The following CSMD1 variants were observed in gnomAD, a reference collection of about 807,000 sequenced individuals.
CSMD1 encodes the protein CUB and Sushi multiple domains 1, also known as CUB and sushi domain-containing protein 1.
A neutral mutation model predicts 417.5 loss-of-function variants in CSMD1; 213 were observed. That is an observed-to-expected ratio of 0.51 (90% confidence interval 0.46 to 0.57). The LOEUF (loss-of-function observed/expected upper bound fraction) is 0.57. Ranked by LOEUF, CSMD1 falls within the 20% of genes least tolerant of loss-of-function variation. CSMD1 has a pLI of 0.00. For synonymous variants in CSMD1, 2,862 were observed against 1,736.8 expected (o/e 1.65, Z -16.11); for missense variants, 6,923 against 4,529.7 (o/e 1.53, Z -15.17).
intron 3 of CSMD1, among the ~76,000 whole-genome samples, chr8:4,256,354 C>T (rs947757004): frequency 1.1e-4 from 17 of 152,170 alleles, no homozygotes; most frequent in African/African-American, 3.9e-4. Flanking sequence ...CTACTTTTGG[C>T]CTCAAATGAA....
chr8:3,613,939 TA>T (rs1202660257), intron 8 of CSMD1, among the ~76,000 whole-genome samples: 4 of 151,716 alleles, frequency 2.6e-5, no homozygotes, highest in African/African-American at 7.3e-5. Context: ...GAAAAAGAAA[TA>T]AAAAAAATCC....
intron 48 of CSMD1, among the ~76,000 whole-genome samples, chr8:3,090,230 T>C (rs1276490760): frequency 1.4e-5 from 2 of 139,302 alleles, no homozygotes; most frequent in South Asian, 4.6e-4. Flanking sequence ...GGCAGGAGAA[T>C]GGCCTGAACC....
At chr8:3,441,692 AACCT>A (rs1585170267) in intron 12 of CSMD1, among the ~76,000 whole-genome samples, 2 of 152,198 alleles carry the variant, frequency 1.3e-5, no homozygotes, top group East Asian at 1.9e-4. Context: ...GGTGTAAATA[AACCT>A]ACTGTGCTGC....
chr8:4,477,438 G>T (rs1014719098), intron 2 of CSMD1, among the ~76,000 whole-genome samples: 3 of 152,226 alleles, frequency 2.0e-5, no homozygotes, highest in South Asian at 4.1e-4. Context: ...CTCAGAAACT[G>T]AGTCTGGTAA....
intron 3 of CSMD1, among the ~76,000 whole-genome samples, chr8:4,212,966 C>A (rs1304432714): frequency 6.6e-6 from 1 of 152,018 alleles, no homozygotes. Context: ...GAAGACCTAA[C>A]ACCTAGCGTT....
chr8:3,334,933 C>A (rs561761076), intron 23 of CSMD1, among the ~76,000 whole-genome samples: 3 of 152,234 alleles, frequency 2.0e-5, no homozygotes, highest in Non-Finnish European at 4.4e-5. Flanking sequence ...CTAAGAGCGT[C>A]AGCTCCTAGT....
rs749185997 is a variant in CSMD1 at position 3,096,982 on chromosome 8, T to C, written c.7005A>G (p.Pro2335=). 18 of 1,555,868 alleles carry C rather than the reference T, an allele frequency of 1.2e-5. No individual in the cohort carries two copies. Among genetic ancestry groups the C allele is most frequent in the Admixed American group, 5.8e-5 (3 of 51,572 alleles). ...RTGSSGVILS[P]GYPGNYFNSQ... ...AGTTAAAATAATTACCCGGATACCCTGGACTGAGAATGACTCCCGATGATC... is the reference window on the plus strand; with the variant it reads ...AGTTAAAATAATTACCCGGATACCCCGGACTGAGAATGACTCCCGATGATC... Residue 2335 remains proline (P), a synonymous_variant, in exon 47 of 70, where the codon CCA becomes CCG. Coordinates refer to ENST00000635120, the MANE Select transcript of CSMD1 (RefSeq NM_033225.6).
At chr8:3,809,334 T>C (rs1368186609) in intron 5 of CSMD1, among the ~76,000 whole-genome samples, 2 of 152,204 alleles carry the variant, frequency 1.3e-5, no homozygotes, top group Non-Finnish European at 2.9e-5. Context: ...TTTTTATCGA[T>C]AAATATTTGT....
chr8:3,286,117 G>C (rs950673853), intron 25 of CSMD1, among the ~76,000 whole-genome samples: 2 of 152,112 alleles, frequency 1.3e-5, no homozygotes, highest in East Asian at 1.9e-4. Flanking sequence ...GAGAATCATG[G>C]TTTCCAGCTT....
intron 3 of CSMD1, among the ~76,000 whole-genome samples, chr8:4,255,739 G>T (rs113860824): frequency 6.6e-6 from 1 of 152,142 alleles, no homozygotes; most frequent in Non-Finnish European, 1.5e-5. Context: ...TCTAAGCATA[G>T]ACTTAAACAA....
intron 2 of CSMD1, among the ~76,000 whole-genome samples, chr8:4,521,219 T>C (rs1803426249): frequency 1.3e-5 from 2 of 152,022 alleles, no homozygotes; most frequent in African/African-American, 4.8e-5. Context: ...TACTAAAATG[T>C]AACAAAAAAG....
intron 3 of CSMD1, among the ~76,000 whole-genome samples, chr8:4,036,373 C>T (rs149312226): frequency 1.1e-3 from 167 of 152,154 alleles, no homozygotes; most frequent in African/African-American, 3.6e-3. Flanking sequence ...TGGTACTGCG[C>T]AATGGTATTT....
intron 2 of CSMD1, among the ~76,000 whole-genome samples, chr8:4,462,409 G>T (rs1195348009): frequency 1.3e-5 from 2 of 151,878 alleles, no homozygotes; most frequent in Non-Finnish European, 2.9e-5. Context: ...AGATAAGATG[G>T]CAATACTCCC....
chr8:4,898,844 T>C (rs1433024747), intron 1 of CSMD1, among the ~76,000 whole-genome samples: 1 of 152,170 alleles, frequency 6.6e-6, no homozygotes, highest in Admixed American at 6.5e-5. Context: ...AGGACAGAAA[T>C]GACAGTGTGG....
At chr8:4,272,522 A>G (rs546423137) in intron 3 of CSMD1, among the ~76,000 whole-genome samples, 1 of 152,316 alleles carries the variant, frequency 6.6e-6, no homozygotes, top group East Asian at 1.9e-4. Flanking sequence ...CATAGAAACC[A>G]CATGCATAAC....
intron 1 of CSMD1, among the ~76,000 whole-genome samples, chr8:4,891,163 G>C (rs933255183): frequency 1.2e-4 from 19 of 152,104 alleles, no homozygotes; most frequent in African/African-American, 4.6e-4. Flanking sequence ...TTGAGTCAAT[G>C]AGATTTCTGA....
intron 2 of CSMD1, among the ~76,000 whole-genome samples, chr8:4,578,188 T>C (rs985609745): frequency 6.6e-6 from 1 of 152,074 alleles, no homozygotes; most frequent in African/African-American, 2.4e-5. Flanking sequence ...TGAGAGGAAG[T>C]CTCGCTCTGT....
rs35279338 is a variant in CSMD1, at chr8:3,599,149, GTC to G, written c.1098-12891_1098-12890del. ...GCTGTGTGTGTGTGTGTGTGTGTGT[GTC>G]TGTGTGTGTGTCTGTGTGTGTGTGT... On this transcript the variant is annotated intron_variant, in intron 8 of 69. Transcript: ENST00000635120. 3.8e-3 allele frequency among the ~76,000 whole-genome samples: 556 copies of G among 146,448 alleles called. 2 individuals carry two copies. The highest frequency in any genetic ancestry group is 0.01 in the African/African-American group (386 of 37,674).
chr8:4,600,843 T>C (rs1174900339), intron 2 of CSMD1, among the ~76,000 whole-genome samples: 2 of 152,210 alleles, frequency 1.3e-5, no homozygotes, highest in Non-Finnish European at 2.9e-5. Context: ...AAAGAAGATA[T>C]TCTGACTTTA....
Sources: gnomAD v4.1 joint callset for allele counts (sites outside exome capture counted in the v4.1 genomes callset) on GRCh38, gnomAD v4.1.1 for gene constraint, MANE v1.5 for transcripts, NCBI Gene and HGNC (gene_info 2026-07-23, HGNC 2026-07-21) for gene names.